ARL15: variants seen among roughly 807,000 people sequenced by gnomAD.
The protein encoded by ARL15 is ARF like GTPase 15, also known as ADP-ribosylation factor-like protein 15.
In ARL15, 19 loss-of-function variants were observed where a neutral mutation model predicts 25.2. The ratio of observed to expected loss-of-function variants is 0.75; its 90% confidence interval spans 0.53 to 1.10. The LOEUF (loss-of-function observed/expected upper bound fraction) is 1.10, where lower values mean the gene tolerates loss of function less well. ARL15 is among the 50% of genes least tolerant of loss of function. The pLI is 0.00. For synonymous variants in ARL15, 94 were observed against 86.8 expected (o/e 1.08, Z -0.46); for missense variants, 220 against 246.0 (o/e 0.89, Z 0.71).
intron 4 of ARL15, among the ~76,000 whole-genome samples, chr5:54,059,158 T>C (rs936608731): frequency 6.6e-6 from 1 of 152,170 alleles, no homozygotes; most frequent in Non-Finnish European, 1.5e-5. Context: ...TTTTCTTCTA[T>C]AGACTAAAGG....
chr5:54,247,598 G>A (rs10074331), intron 1 of ARL15, among the ~76,000 whole-genome samples: 1,667 of 146,822 alleles, frequency 0.011, 37 homozygotes, highest in African/African-American at 0.039. Context: ...AAAAAAACCC[G>A]AACACGTTTA....
At chr5:53,894,631 A>G (rs1744815976) in intron 4 of ARL15, among the ~76,000 whole-genome samples, 1 of 152,160 alleles carries the variant, frequency 6.6e-6, no homozygotes, top group Admixed American at 6.5e-5. Context: ...GGGACTAATG[A>G]AAGACATCCA....
chr5:54,298,507 C>A (rs546589307), intron 1 of ARL15, among the ~76,000 whole-genome samples: 1 of 152,170 alleles, frequency 6.6e-6, no homozygotes. Context: ...ACCAGCACTG[C>A]GCCATCTCTA....
chr5:54,248,769 G>A (rs1242329424), intron 1 of ARL15, among the ~76,000 whole-genome samples: 1 of 152,144 alleles, frequency 6.6e-6, no homozygotes, highest in East Asian at 1.9e-4. Flanking sequence ...AACTGTTAGT[G>A]CCTGGTGCTA....
intron 2 of ARL15, among the ~76,000 whole-genome samples, chr5:54,168,579 A>G (rs1754640693): frequency 6.6e-6 from 1 of 152,022 alleles, no homozygotes; most frequent in African/African-American, 2.4e-5. Context: ...CTCCCCCAAC[A>G]GCTTCTCTAA....
intron 1 of ARL15, among the ~76,000 whole-genome samples, chr5:54,243,505 G>A (rs1002706890): frequency 2.0e-5 from 3 of 152,190 alleles, no homozygotes; most frequent in Non-Finnish European, 2.9e-5. Context: ...TTAATAAGTC[G>A]TAGTACAGAT....
In ARL15 at chr5:53,905,932, T is replaced by G. The variant is rs968918035; in HGVS notation, c.463-19219A>C. On this transcript the variant is annotated intron_variant, in intron 4 of 4. Transcript: ENST00000504924. ...CATTTAGCATAAGGACACTTATACG[T>G]CAGAGTCCTTGAAATAGGGTTTGTA... is the stretch of plus-strand genomic sequence containing the variant. Among the ~76,000 whole-genome samples the G allele has an allele frequency of 1.1e-4, 17 of 152,350 alleles. No individual in the cohort carries two copies. The East Asian group carries it at 3.3e-3, about 29-fold the overall frequency.
chr5:54,070,145 C>A (rs542536225), intron 4 of ARL15, among the ~76,000 whole-genome samples: 1 of 150,556 alleles, frequency 6.6e-6, no homozygotes, highest in South Asian at 2.2e-4. Flanking sequence ...AATCCCAGCA[C>A]TTTGGGAGGC....
intron 3 of ARL15, among the ~76,000 whole-genome samples, chr5:54,142,038 G>A (rs1465370793): frequency 6.6e-6 from 1 of 152,090 alleles, no homozygotes; most frequent in Non-Finnish European, 1.5e-5. Flanking sequence ...ATTTTGCATC[G>A]ATGTAAGTTT....
chr5:54,110,571 G>T (rs1752710780), intron 4 of ARL15, among the ~76,000 whole-genome samples: 1 of 151,900 alleles, frequency 6.6e-6, no homozygotes, highest in East Asian at 1.9e-4. Flanking sequence ...CAAGTATTTT[G>T]CAGATTAAAA....
intron 1 of ARL15, among the ~76,000 whole-genome samples, chr5:54,221,288 T>C (rs1006441219): frequency 6.6e-6 from 1 of 152,196 alleles, no homozygotes; most frequent in Non-Finnish European, 1.5e-5. Flanking sequence ...TTTGCTTTAA[T>C]AGGGGTTTTA....
chr5:54,174,060 T>C (rs1178634525), intron 1 of ARL15, among the ~76,000 whole-genome samples: 2 of 152,146 alleles, frequency 1.3e-5, no homozygotes, highest in Admixed American at 6.5e-5. Context: ...TATAAATTCA[T>C]TACACAGACA....
chr5:54,134,079 G>A (rs1753521258), intron 3 of ARL15, among the ~76,000 whole-genome samples: 4 of 152,140 alleles, frequency 2.6e-5, no homozygotes, highest in Admixed American at 2.6e-4. Flanking sequence ...AAACTGCTCT[G>A]AGCAATGTTA....
At chr5:54,264,019 T>C (rs1757562234) in intron 1 of ARL15, among the ~76,000 whole-genome samples, 1 of 152,156 alleles carries the variant, frequency 6.6e-6, no homozygotes, top group Admixed American at 6.5e-5. Flanking sequence ...GAATACCTGA[T>C]TGCTGAATAT....
chr5:54,020,105 A>C (rs1749548423), intron 4 of ARL15, among the ~76,000 whole-genome samples: 3 of 152,270 alleles, frequency 2.0e-5, no homozygotes, highest in Admixed American at 6.5e-5. Flanking sequence ...AAAGTTACTT[A>C]TAATTGGAAA....
intron 3 of ARL15, among the ~76,000 whole-genome samples, chr5:54,129,880 T>C (rs1192475815): frequency 1.3e-5 from 2 of 152,196 alleles, no homozygotes; most frequent in Non-Finnish European, 2.9e-5. Context: ...CAAAGTACCA[T>C]CAATATATGT....
intron 4 of ARL15, among the ~76,000 whole-genome samples, chr5:54,039,193 A>G (rs1049248738): frequency 6.6e-5 from 10 of 152,070 alleles, no homozygotes; most frequent in Non-Finnish European, 1.2e-4. Flanking sequence ...AATACACCCA[A>G]TGTTTGTCGT....
chr5:53,930,535 T>C (rs1023102961), intron 4 of ARL15, among the ~76,000 whole-genome samples: 2 of 152,176 alleles, frequency 1.3e-5, no homozygotes, highest in Non-Finnish European at 1.5e-5. Context: ...GTGTAAGAGA[T>C]ATATTTGTTA....
At chr5:54,254,954 C>T (rs913851841) in intron 1 of ARL15, among the ~76,000 whole-genome samples, 2 of 152,224 alleles carry the variant, frequency 1.3e-5, no homozygotes, top group African/African-American at 4.8e-5. Context: ...CCGTGCTGTG[C>T]TTTCAAATCC....
Sources: allele counts gnomAD v4.1 joint callset (sites outside exome capture counted in the v4.1 genomes callset), GRCh38; gene constraint gnomAD v4.1.1; transcripts MANE v1.5; gene names NCBI Gene and HGNC (gene_info 2026-07-23, HGNC 2026-07-21).